Variants in KIAA1328 observed in about 807,000 individuals in gnomAD.
KIAA1328 encodes KIAA1328.
In KIAA1328, 52 loss-of-function variants were observed where a neutral mutation model predicts 68.1. That is an observed-to-expected ratio of 0.76 (90% CI 0.61 to 0.96). The LOEUF (loss-of-function observed/expected upper bound fraction) is 0.96, where lower values mean the gene tolerates loss of function less well. KIAA1328 is among the 40% of genes least tolerant of loss of function. The probability of loss-of-function intolerance (pLI) is 0.00; values close to 1 mark genes in which losing one functional copy is unlikely to be tolerated. For synonymous variants in KIAA1328, 232 were observed against 239.4 expected, an observed-to-expected ratio of 0.97 and a Z score of 0.28; for missense variants, 641 against 677.6, an observed-to-expected ratio of 0.95 and a Z score of 0.60.
chr18:37,225,599 C>A (rs565312344), downstream of KIAA1328, among the ~76,000 whole-genome samples: 4 of 152,220 alleles, frequency 2.6e-5, no homozygotes, highest in Admixed American at 2.6e-4. Flanking sequence ...AACATTCAGT[C>A]TCTCTGCACC....
At position 37,050,576 on chromosome 18, in the gene KIAA1328, A is replaced by G. The variant is rs184663869; in HGVS notation, c.577-16314A>G. On this transcript the variant is annotated intron_variant, in intron 6 of 9. Transcript: ENST00000280020. ...TGTGAAAATGATTTGAATCAGTACC[A>G]TTGTTACATATTTCTGTGGTAAATG... Among the ~76,000 whole-genome samples, 73 of 152,302 alleles carry G rather than the reference A, an allele frequency of 4.8e-4. 1 individual carries two copies. Among genetic ancestry groups the G allele is most frequent in the Admixed American group, 1.6e-3 (24 of 15,298 alleles).
At chr18:37,064,207 G>A (rs889123619) in intron 6 of KIAA1328, among the ~76,000 whole-genome samples, 2 of 152,082 alleles carry the variant, frequency 1.3e-5, no homozygotes, top group Non-Finnish European at 2.9e-5. Context: ...CTTTGAAGAA[G>A]AGCAAGTCTT....
chr18:37,096,298 A>G (rs2057404921), intron 7 of KIAA1328, among the ~76,000 whole-genome samples: 3 of 152,082 alleles, frequency 2.0e-5, no homozygotes, highest in Non-Finnish European at 4.4e-5. Context: ...TCATTGTTCA[A>G]TTCCCACCTA....
intron 7 of KIAA1328, among the ~76,000 whole-genome samples, chr18:37,104,376 A>T (rs2057710735): frequency 6.6e-6 from 1 of 152,228 alleles, no homozygotes; most frequent in Non-Finnish European, 1.5e-5. Context: ...CATGGATGGA[A>T]CTGTAGGTAA....
intron 6 of KIAA1328, among the ~76,000 whole-genome samples, chr18:36,965,101 T>G (rs555442666): frequency 4.1e-4 from 62 of 152,158 alleles, no homozygotes; most frequent in Non-Finnish European, 7.9e-4. Context: ...TTTACTATTT[T>G]TATTAACTCT....
intron 9 of KIAA1328, among the ~76,000 whole-genome samples, chr18:37,195,179 A>G (rs540761735): frequency 1.1e-4 from 16 of 152,292 alleles, no homozygotes; most frequent in African/African-American, 3.6e-4. Flanking sequence ...CTACTGTGCT[A>G]TTGAATACTA....
At chr18:36,890,610 G>T (rs1466460263) in intron 5 of KIAA1328, among the ~76,000 whole-genome samples, 1 of 152,168 alleles carries the variant, frequency 6.6e-6, no homozygotes, top group Non-Finnish European at 1.5e-5. Context: ...GGCAGAGGTT[G>T]CAGAGAGCCG....
intron 7 of KIAA1328, among the ~76,000 whole-genome samples, chr18:37,124,946 T>C (rs1369838761): frequency 6.6e-6 from 1 of 152,224 alleles, no homozygotes; most frequent in East Asian, 1.9e-4. Context: ...GCAAAATGTT[T>C]ATCTGTTAAA....
intron 7 of KIAA1328, among the ~76,000 whole-genome samples, chr18:37,157,940 A>C (rs1289024228): frequency 6.6e-6 from 1 of 151,960 alleles, no homozygotes; most frequent in African/African-American, 2.4e-5. Context: ...TTTCACTATT[A>C]CAAATAATTC....
At chr18:37,203,563 T>C (rs1450538676) in intron 9 of KIAA1328, among the ~76,000 whole-genome samples, 5 of 152,254 alleles carry the variant, frequency 3.3e-5, no homozygotes, top group Non-Finnish European at 5.9e-5. Flanking sequence ...CTAGTAACCC[T>C]AATTTTCAGT....
chr18:37,130,288 A>G (rs1599372604), intron 7 of KIAA1328, among the ~76,000 whole-genome samples: 1 of 152,300 alleles, frequency 6.6e-6, no homozygotes, highest in South Asian at 2.1e-4. Flanking sequence ...ATATACATAT[A>G]TTACTTACTT....
In KIAA1328 at chr18:36,926,385, A is replaced by C. The variant is rs146946047; in HGVS notation, c.449-32923A>C. Among the ~76,000 whole-genome samples, 145 of 23,440 alleles carry C rather than the reference A, an allele frequency of 6.2e-3. 1 individual carries two copies. The highest frequency in any genetic ancestry group is 0.012 in the Admixed American group (18 of 1,450). 15.4% of individuals were successfully genotyped at this position (23,440 alleles called of 152,430 possible). A position where few individuals can be genotyped will look rare whatever the true frequency, so the allele number is the denominator to read the frequency against. On this transcript the variant is annotated intron_variant, in intron 5 of 9. Coordinates refer to ENST00000280020, the MANE Select transcript of KIAA1328 (RefSeq NM_020776.3). ...TTTCTTTCTCTATCTCTCTCTCTCT[A>C]TTTATTTATTTATTTATTTATTTAT...
chr18:37,210,249 C>T (rs1320530982), intron 9 of KIAA1328, among the ~76,000 whole-genome samples: 2 of 152,168 alleles, frequency 1.3e-5, no homozygotes, highest in African/African-American at 2.4e-5. Context: ...GCTACGTCCT[C>T]CTCTGGATTT....
At chr18:36,998,169 A>G (rs2053462979) in intron 6 of KIAA1328, among the ~76,000 whole-genome samples, 1 of 152,162 alleles carries the variant, frequency 6.6e-6, no homozygotes, top group African/African-American at 2.4e-5. Flanking sequence ...CACATAGCTT[A>G]GGATCCTGGG....
intron 9 of KIAA1328, among the ~76,000 whole-genome samples, chr18:37,194,107 G>A (rs1197502285): frequency 1.3e-5 from 2 of 152,170 alleles, no homozygotes; most frequent in Admixed American, 6.5e-5. Context: ...ATACATGTGT[G>A]AGGATATCTG....
intron 6 of KIAA1328, among the ~76,000 whole-genome samples, chr18:37,021,190 T>A (rs943686392): frequency 6.6e-6 from 1 of 152,218 alleles, no homozygotes; most frequent in South Asian, 2.1e-4. Context: ...AATTTCAAAT[T>A]GGATTTTTCA....
chr18:36,866,918 C>T (rs1299906795), intron 4 of KIAA1328, among the ~76,000 whole-genome samples: 2 of 152,192 alleles, frequency 1.3e-5, no homozygotes, highest in Non-Finnish European at 2.9e-5. Flanking sequence ...CTGTTGTGCA[C>T]ATCCACTAAC....
At chr18:37,215,460 G>T (rs1009542951) in intron 9 of KIAA1328, among the ~76,000 whole-genome samples, 1 of 152,148 alleles carries the variant, frequency 6.6e-6, no homozygotes, top group African/African-American at 2.4e-5. Flanking sequence ...TTATTGATTT[G>T]CGTATGTCGA....
chr18:36,834,809 AT>A (rs2046617512), intron 2 of KIAA1328, among the ~76,000 whole-genome samples: 1 of 152,272 alleles, frequency 6.6e-6, no homozygotes, highest in Admixed American at 6.5e-5. Context: ...AAGTTAACAT[AT>A]ATTTGGCATA....
Sources: allele counts gnomAD v4.1 joint callset (sites outside exome capture counted in the v4.1 genomes callset), GRCh38; gene constraint gnomAD v4.1.1; transcripts MANE v1.5; gene names NCBI Gene and HGNC (gene_info 2026-07-23, HGNC 2026-07-21).